Variants in CALCRL observed in about 807,000 individuals in gnomAD.
CALCRL encodes calcitonin receptor like receptor, also known as calcitonin gene-related peptide type 1 receptor.
CALCRL carries 27 observed loss-of-function variants against 60.4 expected under a neutral mutation model. The ratio of observed to expected loss-of-function variants is 0.45; its 90% confidence interval spans 0.33 to 0.62. The LOEUF (loss-of-function observed/expected upper bound fraction) is 0.62, where lower values mean the gene tolerates loss of function less well. Ranked by LOEUF, CALCRL falls within the 20% of genes least tolerant of loss-of-function variation. CALCRL has a pLI of 0.03. For synonymous variants in CALCRL, 190 were observed against 182.6 expected, an observed-to-expected ratio of 1.04 and a Z score of -0.33; for missense variants, 424 against 540.7, an observed-to-expected ratio of 0.78 and a Z score of 2.14.
intron 1 of CALCRL, among the ~76,000 whole-genome samples, chr2:187,427,882 T>G (rs916967950): frequency 6.6e-6 from 1 of 152,128 alleles, no homozygotes; most frequent in African/African-American, 2.4e-5. Context: ...CATCTAAAAA[T>G]GGTCATTTCT....
chr2:187,410,430 G>C (rs967182824), intron 1 of CALCRL, among the ~76,000 whole-genome samples: 1 of 151,294 alleles, frequency 6.6e-6, no homozygotes, highest in African/African-American at 2.4e-5. Context: ...AAAAAAAAAA[G>C]GACACTGATT....
intron 1 of CALCRL, among the ~76,000 whole-genome samples, chr2:187,410,021 T>G (rs1169498666): frequency 1.3e-5 from 2 of 152,178 alleles, no homozygotes; most frequent in East Asian, 3.9e-4. Flanking sequence ...CTTATTACAC[T>G]GGCAAACCTG....
chr2:187,348,745 G>T (rs574795458), intron 14 of CALCRL, among the ~76,000 whole-genome samples: 1 of 151,624 alleles, frequency 6.6e-6, no homozygotes, highest in African/African-American at 2.4e-5. Context: ...GTTTGTTTAT[G>T]TTATTTGCTC....
chr2:187,380,428 A>T, intron 7 of CALCRL, 39 bp downstream of exon 7: 2 of 1,179,568 alleles, frequency 1.7e-6, no homozygotes, highest in Non-Finnish European at 2.5e-6. Context: ...GTTTAAACAG[A>T]TACTGTAAGT....
In CALCRL at chr2:187,343,232, A is replaced by G. The variant is rs1686154330; in HGVS notation, c.*2952T>C. ...AATTTTGAGAAGTATCCCATTGATT[A>G]CTGTAAGAATTATGTTTATAAATTA... On this transcript the variant is annotated 3_prime_UTR_variant, in exon 15 of 15. Transcript: ENST00000392370. 6.6e-6 allele frequency: 1 copy of G among 151,586 alleles called. No homozygotes were observed. Among genetic ancestry groups the G allele is most frequent in the Non-Finnish European group, 1.5e-5 (1 of 67,544 alleles). The allele number at this position is 151,586 out of a possible 1,614,324, so 9.4% of individuals were successfully genotyped here. A position where few individuals can be genotyped will look rare whatever the true frequency, so the allele number is the denominator to read the frequency against.
At chr2:187,376,988 A>C (rs1559050107) in intron 8 of CALCRL, among the ~76,000 whole-genome samples, 1 of 152,136 alleles carries the variant, frequency 6.6e-6, no homozygotes, top group Non-Finnish European at 1.5e-5. Flanking sequence ...CAATTCTGGA[A>C]ATATTACAGT....
chr2:187,396,539 G>A (rs6753578), intron 1 of CALCRL, among the ~76,000 whole-genome samples: 23,334 of 151,614 alleles, frequency 0.15, 2,463 homozygotes, highest in African/African-American at 0.29. Context: ...TTTTAAATAT[G>A]CAGAGTAACA....
chr2:187,384,434 T>C (rs972167173), intron 4 of CALCRL, among the ~76,000 whole-genome samples: 4 of 152,192 alleles, frequency 2.6e-5, no homozygotes, highest in Admixed American at 2.0e-4. Context: ...TTACATGAGT[T>C]CAAGAGGAAG....
rs578067364 is a variant in CALCRL, at chr2:187,429,691, A to C, written c.-293+18348T>G. On this transcript the variant is annotated intron_variant, in intron 1 of 14. Coordinates refer to ENST00000392370, the MANE Select transcript of CALCRL (RefSeq NM_005795.6). ...CTTGCTAGAATTGAAGTGAATTTAC[A>C]CCTTAAACTGCACTATTAGAACAAA... Among the ~76,000 whole-genome samples, 45 of 152,296 alleles carry C rather than the reference A, an allele frequency of 3.0e-4. No homozygotes were observed. In the South Asian group the frequency reaches 8.3e-3, roughly 28 times the overall value.
chr2:187,352,060 A>C, intron 13 of CALCRL, 54 bp downstream of exon 13: 1 of 1,546,204 alleles, frequency 6.5e-7, no homozygotes, highest in Non-Finnish European at 8.9e-7. Context: ...CCAAAGCTAT[A>C]TGTATATTTA....
chr2:187,397,396 C>T (rs1688707372), intron 1 of CALCRL, among the ~76,000 whole-genome samples: 1 of 151,442 alleles, frequency 6.6e-6, no homozygotes, highest in Non-Finnish European at 1.5e-5. Flanking sequence ...TATGACTGCA[C>T]AATTACTAAT....
At position 187,344,208 on chromosome 2, in the gene CALCRL, T is replaced by C. The variant is rs908238933; in HGVS notation, c.*1976A>G. The stretch of plus-strand genomic sequence containing the variant: ...GTCTAGAACAGCCTGCGTTCCTTTC[T>C]ATGGCAGCTTGCTATGAAATTCATG... On this transcript the variant is annotated 3_prime_UTR_variant, in exon 15 of 15. Transcript: ENST00000392370. The C allele has an allele frequency of 2.6e-5, 4 of 151,514 alleles. No individual in the cohort carries two copies. Among genetic ancestry groups the C allele is most frequent in the African/African-American group, 9.7e-5 (4 of 41,266 alleles). The allele number at this position is 151,514 out of a possible 1,614,324, so 9.4% of individuals were successfully genotyped here.
intron 4 of CALCRL, 50 bp downstream of exon 4, chr2:187,385,495 G>A (rs1688167500): frequency 1.1e-6 from 1 of 887,600 alleles, no homozygotes; most frequent in Admixed American, 2.3e-5. Flanking sequence ...ATCAATTATA[G>A]GTATACTGGA....
In CALCRL at chr2:187,415,697, T is replaced by TGGTGGAGGA. The variant is rs1574298185; in HGVS notation, c.-292-27942_-292-27941insTCCTCCACC. The TGGTGGAGGA allele has an allele frequency of 1.7e-5, 10 of 585,512 alleles. No homozygotes were observed. In the East Asian group the frequency reaches 3.8e-4, roughly 22 times the overall value. 36.3% of individuals were successfully genotyped at this position (585,512 alleles called of 1,614,324 possible). Reference sequence around the variant, plus strand: ...GAGCACCAGGTTGTCTCCTCCGACTTCAACAGTGACACCCACTCTTCCACC... The same window carrying TGGTGGAGGA: ...GAGCACCAGGTTGTCTCCTCCGACTTGGTGGAGGACAACAGTGACACCCACTCTTCCACC... On this transcript the variant is annotated intron_variant, in intron 1 of 14. Transcript: ENST00000392370.
chr2:187,395,316 A>G lies in CALCRL; in HGVS notation c.-292-7560T>C, dbSNP rs186058676. Among the ~76,000 whole-genome samples the G allele has an allele frequency of 1.3e-3, 201 of 152,184 alleles. 1 individual carries two copies. Among genetic ancestry groups the G allele is most frequent in the Non-Finnish European group, 1.6e-3 (108 of 67,980 alleles). On this transcript the variant is annotated intron_variant, in intron 1 of 14. Coordinates refer to ENST00000392370, the MANE Select transcript of CALCRL (RefSeq NM_005795.6). ...TATTCAGTTATTTTGCTTAACCACC[A>G]GTTTTCTCATTACATGTCACTTGTA... is the stretch of plus-strand genomic sequence containing the variant.
At chr2:187,389,918 T>C (rs944431872) in intron 1 of CALCRL, among the ~76,000 whole-genome samples, 1 of 152,162 alleles carries the variant, frequency 6.6e-6, no homozygotes, top group Non-Finnish European at 1.5e-5. Context: ...GCATCCTTTG[T>C]GACTGACAGT....
chr2:187,378,964 G>T lies in CALCRL; in HGVS notation c.476C>A (p.Ser159Ter). 1 of 1,602,834 alleles carries T rather than the reference G, an allele frequency of 6.2e-7. No homozygotes were observed. The highest frequency in any genetic ancestry group is 1.3e-5 in the African/African-American group (1 of 74,782). Residue 159 changes from serine (S) to a stop codon, truncating the protein, a stop_gained, in exon 8 of 15, where the codon TCG becomes TAG. Transcript: ENST00000392370. LOFTEE classifies it high-confidence loss of function. Reference sequence around the variant, plus strand: ...CTTGAAATAAAAGAATATGCCAAGCGAGATAAGCAGTGATGCAATAGACAA... The same window carrying T: ...CTTGAAATAAAAGAATATGCCAAGCTAGATAAGCAGTGATGCAATAGACAA... Reference protein sequence around the residue: ...HGLSIASLLISLGIFFYFKSL... With the variant: ...HGLSIASLLI
At chr2:187,399,736 A>G (rs1164979851) in intron 1 of CALCRL, among the ~76,000 whole-genome samples, 1 of 151,628 alleles carries the variant, frequency 6.6e-6, no homozygotes, top group African/African-American at 2.4e-5. Flanking sequence ...GATAAAGAAA[A>G]TATGGTATAG....
chr2:187,348,080 C>T (rs10931287), intron 14 of CALCRL, among the ~76,000 whole-genome samples: 5,886 of 151,582 alleles, frequency 0.039, 363 homozygotes, highest in African/African-American at 0.13. Context: ...TATAAGGCAA[C>T]AAATTTATTT....
Sources: allele counts gnomAD v4.1 joint callset (sites outside exome capture counted in the v4.1 genomes callset), GRCh38; gene constraint gnomAD v4.1.1; transcripts MANE v1.5; gene names NCBI Gene and HGNC (gene_info 2026-07-23, HGNC 2026-07-21).